MYO5A: variants seen among roughly 807,000 people sequenced by gnomAD.
MYO5A encodes myosin VA.
In MYO5A, 98 loss-of-function variants were observed where a neutral mutation model predicts 249.7. The observed-to-expected ratio is 0.39, with a 90% confidence interval of 0.33 to 0.46. The LOEUF is 0.46. Among genes scored for constraint, MYO5A ranks in the 20% least tolerant of loss-of-function variants. The probability of loss-of-function intolerance (pLI) is 0.98; values close to 1 mark genes in which losing one functional copy is unlikely to be tolerated. For synonymous variants in MYO5A, 778 were observed against 810.6 expected (o/e 0.96, Z 0.68); for missense variants, 1,696 against 2,308.8 (o/e 0.73, Z 5.44).
intron 5 of MYO5A, among the ~76,000 whole-genome samples, chr15:52,411,645 C>T (rs1253388128): frequency 6.6e-6 from 1 of 151,888 alleles, no homozygotes; most frequent in African/African-American, 2.4e-5. Flanking sequence ...TGTGTAAAGC[C>T]TATGTCAGGA....
chr15:52,317,187 T>A lies in MYO5A; in HGVS notation c.5270A>T (p.Asp1757Val). The A allele has an allele frequency of 1.9e-6, 3 of 1,614,150 alleles. No homozygotes were observed. Among genetic ancestry groups the A allele is most frequent in the Non-Finnish European group, 2.5e-6 (3 of 1,180,026 alleles). The change falls in exon 40 of 42, where the codon GAC becomes GTC. Residue 1757 changes from aspartate (D) to valine (V), a missense_variant. Physicochemically the swap from Asp to Val is radical, Grantham distance 152 (BLOSUM62 -3). Around this residue, in one of 5 missense-constraint regions of MYO5A, gnomAD observed 625 missense variants for 908.1 expected, o/e 0.69. Coordinates refer to ENST00000399233, the MANE Select transcript of MYO5A (RefSeq NM_001382347.1). ...NVSQLEEWLRDKNLMNSGAKE... is the reference protein window; with the variant it reads ...NVSQLEEWLRVKNLMNSGAKE... ...AGCCCCACTATTCATCAGATTCTTG[T>A]CACGCAGCCATTCTTCCAGTTGACT...
intron 5 of MYO5A, among the ~76,000 whole-genome samples, chr15:52,412,478 T>A (rs1367963350): frequency 6.6e-6 from 1 of 152,260 alleles, no homozygotes; most frequent in Non-Finnish European, 1.5e-5. Context: ...TATTATCAAC[T>A]TGTCATTATT....
intron 1 of MYO5A, among the ~76,000 whole-genome samples, chr15:52,521,341 T>C (rs2077615881): frequency 6.6e-6 from 1 of 152,208 alleles, no homozygotes; most frequent in Admixed American, 6.5e-5. Flanking sequence ...ATCATTTTAC[T>C]TCTCCTATTC....
chr15:52,354,903 T>C (rs1003920596), intron 25 of MYO5A, among the ~76,000 whole-genome samples: 35 of 151,532 alleles, frequency 2.3e-4, no homozygotes, highest in Admixed American at 2.2e-3. Flanking sequence ...CAGATAAATA[T>C]ATCTTAAAGT....
rs1319704346 is a variant in MYO5A, at chr15:52,344,562, C to T, written c.3960-1365G>A. On this transcript the variant is annotated intron_variant, in intron 30 of 41. Coordinates refer to ENST00000399233, the MANE Select transcript of MYO5A (RefSeq NM_001382347.1). Reference sequence around the variant, plus strand: ...GTCCCATTTCTGTCAATCCTAACTGCCACCAGCCAAGCCCAAGTCACCATA... The same window carrying T: ...GTCCCATTTCTGTCAATCCTAACTGTCACCAGCCAAGCCCAAGTCACCATA... 2.0e-5 allele frequency among the ~76,000 whole-genome samples: 3 copies of T among 152,198 alleles called. No homozygotes were observed. In the South Asian group the frequency reaches 6.2e-4, roughly 32 times the overall value.
At chr15:52,510,155 A>T (rs973870986) in intron 1 of MYO5A, among the ~76,000 whole-genome samples, 1 of 148,150 alleles carries the variant, frequency 6.7e-6, no homozygotes, top group African/African-American at 2.5e-5. Context: ...CTGTTTTCCT[A>T]CATACAGCCC....
At chr15:52,367,507 T>A (rs777721512) in intron 22 of MYO5A, among the ~76,000 whole-genome samples, 1 of 152,202 alleles carries the variant, frequency 6.6e-6, no homozygotes, top group African/African-American at 2.4e-5. Flanking sequence ...CATTAAAAAA[T>A]TGCCTGGCAC....
chr15:52,434,954 G>T (rs1595677299), intron 1 of MYO5A, among the ~76,000 whole-genome samples: 2 of 152,158 alleles, frequency 1.3e-5, no homozygotes, highest in Non-Finnish European at 2.9e-5. Flanking sequence ...AATAATCAGG[G>T]TACTAATTTA....
At chr15:52,463,140 A>G (rs2076286288) in intron 1 of MYO5A, among the ~76,000 whole-genome samples, 1 of 152,202 alleles carries the variant, frequency 6.6e-6, no homozygotes, top group Non-Finnish European at 1.5e-5. Flanking sequence ...AGGTACTCCA[A>G]CTGTATACGC....
At chr15:52,351,901 A>C (rs2039973477) in intron 27 of MYO5A, among the ~76,000 whole-genome samples, 1 of 152,316 alleles carries the variant, frequency 6.6e-6, no homozygotes, top group Non-Finnish European at 1.5e-5. Flanking sequence ...TGGATCCCTG[A>C]AGTCTTTAGT....
rs549739640 is a variant in MYO5A, at chr15:52,408,411, T to C, written c.757-271A>G. Among the ~76,000 whole-genome samples the C allele has an allele frequency of 3.1e-4, 47 of 151,718 alleles. No homozygotes were observed. In the South Asian group the frequency reaches 8.4e-3, roughly 27 times the overall value. The stretch of plus-strand genomic sequence containing the variant: ...TGAACAGCTTGATATATGTCAACAA[T>C]CATAAGATAATCAGTGCTTTTGGGG... On this transcript the variant is annotated intron_variant, in intron 6 of 41. Transcript: ENST00000399233.
chr15:52,470,274 G>C (rs927326340), intron 1 of MYO5A, among the ~76,000 whole-genome samples: 1 of 152,182 alleles, frequency 6.6e-6, no homozygotes, highest in Non-Finnish European at 1.5e-5. Flanking sequence ...TTGGGGGCAA[G>C]TAGACCACTT....
chr15:52,425,923 T>A lies in MYO5A; in HGVS notation c.362A>T (p.Glu121Val). The change falls in exon 4 of 42, where the codon GAA (glutamate) becomes GTA (valine). Residue 121 changes from glutamate to valine, a missense_variant. Around this residue, in one of 5 missense-constraint regions of MYO5A, gnomAD observed 197 missense variants for 320.3 expected, o/e 0.62. Transcript: ENST00000399233. The stretch of plus-strand genomic sequence containing the variant: ...ACCACTGTATGCATTAATAATATCT[T>A]CTCCATAAATAGGCAGCTGTTCATA... Reference protein sequence around the residue: ...NPYEQLPIYGEDIINAYSGQN... With the variant: ...NPYEQLPIYGVDIINAYSGQN... The A allele has an allele frequency of 6.2e-7, 1 of 1,613,004 alleles. No individual in the cohort carries two copies. The highest frequency in any genetic ancestry group is 1.7e-4 in the Middle Eastern group (1 of 6,058).
At chr15:52,482,477 G>A (rs1438903503) in intron 1 of MYO5A, among the ~76,000 whole-genome samples, 1 of 152,144 alleles carries the variant, frequency 6.6e-6, no homozygotes, top group Non-Finnish European at 1.5e-5. Flanking sequence ...AAACACACAG[G>A]AATCCTGGGC....
chr15:52,505,371 T>C (rs2077247388), intron 1 of MYO5A: 1 of 781,588 alleles, frequency 1.3e-6, no homozygotes, highest in Non-Finnish European at 2.4e-6. Flanking sequence ...ACATCAAGTC[T>C]TACGAAAAGG....
At chr15:52,484,704 G>T (rs2462857) in intron 1 of MYO5A, among the ~76,000 whole-genome samples, 1 of 151,836 alleles carries the variant, frequency 6.6e-6, no homozygotes, top group Non-Finnish European at 1.5e-5. Flanking sequence ...GAGTGCAGTG[G>T]CATGATCTCG....
intron 5 of MYO5A, among the ~76,000 whole-genome samples, chr15:52,413,038 T>C (rs1365831117): frequency 2.7e-5 from 4 of 150,748 alleles, no homozygotes; most frequent in Non-Finnish European, 4.4e-5. Context: ...TCCCAGCTAC[T>C]CGGGAGGCTG....
At chr15:52,513,812 G>A (rs1377462937) in intron 1 of MYO5A, among the ~76,000 whole-genome samples, 1 of 152,224 alleles carries the variant, frequency 6.6e-6, no homozygotes, top group Non-Finnish European at 1.5e-5. Context: ...GAGCTAGAGA[G>A]TAGCATGTTG....
At chr15:52,501,876 TACACACACAC>T (rs10552352) in intron 1 of MYO5A, among the ~76,000 whole-genome samples, 3,511 of 140,510 alleles carry the variant, frequency 0.025, 141 homozygotes, top group African/African-American at 0.085. Context: ...ATACATATAC[TACACACACAC>T]ACACACACAC....
Sources: gnomAD v4.1 joint callset for allele counts (sites outside exome capture counted in the v4.1 genomes callset) on GRCh38, gnomAD v4.1.1 for gene constraint, gnomAD v4.1.1 regional missense constraint, MANE v1.5 for transcripts, NCBI Gene and HGNC (gene_info 2026-07-23, HGNC 2026-07-21) for gene names.